The following GUCY1A2 variants were observed in gnomAD, a reference collection of about 807,000 sequenced individuals.
GUCY1A2 encodes guanylate cyclase 1 soluble subunit alpha 2.
GUCY1A2 carries 27 observed loss-of-function variants against 63.5 expected under a neutral mutation model. The ratio of observed to expected loss-of-function variants is 0.43; its 90% CI spans 0.31 to 0.59. The LOEUF (loss-of-function observed/expected upper bound fraction) is 0.59, where lower values mean the gene tolerates loss of function less well. Among genes scored for constraint, GUCY1A2 ranks in the 20% least tolerant of loss-of-function variants. The pLI is 0.11. For missense variants in GUCY1A2, 768 were observed against 913.3 expected, an observed-to-expected ratio of 0.84 and a Z score of 2.05; for synonymous variants, 364 against 343.5, an observed-to-expected ratio of 1.06 and a Z score of -0.66.
intron 4 of GUCY1A2, among the ~76,000 whole-genome samples, chr11:106,932,710 G>A (rs999855308): frequency 2.0e-5 from 3 of 152,064 alleles, no homozygotes; most frequent in Non-Finnish European, 4.4e-5. Flanking sequence ...CACATTACCT[G>A]ACTTCAAACT....
chr11:106,889,280 G>A (rs562252781), intron 4 of GUCY1A2, among the ~76,000 whole-genome samples: 1 of 152,180 alleles, frequency 6.6e-6, no homozygotes, highest in Non-Finnish European at 1.5e-5. Flanking sequence ...TCCAAGGTAA[G>A]TTCCTGTGTG....
At chr11:106,771,009 A>G (rs1864246331) in intron 6 of GUCY1A2, among the ~76,000 whole-genome samples, 1 of 152,018 alleles carries the variant, frequency 6.6e-6, no homozygotes, top group Admixed American at 6.6e-5. Context: ...GAACTAATGA[A>G]GAAAATTTGA....
At chr11:106,986,450 C>A (rs1245256503) in intron 1 of GUCY1A2, among the ~76,000 whole-genome samples, 1 of 152,114 alleles carries the variant, frequency 6.6e-6, no homozygotes, top group Non-Finnish European at 1.5e-5. Context: ...CTGGGGATAG[C>A]AGGGAGGGTG....
chr11:106,730,038 T>C (rs1322322075), intron 6 of GUCY1A2, among the ~76,000 whole-genome samples: 1 of 132,428 alleles, frequency 7.6e-6, no homozygotes, highest in African/African-American at 2.7e-5. Flanking sequence ...ATGACAAAAC[T>C]GCTTTCTTTA....
chr11:106,811,888 C>T (rs1001345545), intron 4 of GUCY1A2, among the ~76,000 whole-genome samples: 3 of 151,922 alleles, frequency 2.0e-5, no homozygotes, highest in Non-Finnish European at 4.4e-5. Context: ...CCTTTTCAAA[C>T]GTATCACAGT....
chr11:106,748,777 G>A (rs577633265), intron 6 of GUCY1A2, among the ~76,000 whole-genome samples: 10 of 150,516 alleles, frequency 6.6e-5, no homozygotes, highest in South Asian at 4.3e-4. Context: ...TTATCTTTTC[G>A]GCCAATGTTT....
intron 1 of GUCY1A2, among the ~76,000 whole-genome samples, chr11:106,987,848 C>T (rs147511003): frequency 6.6e-6 from 1 of 152,258 alleles, no homozygotes; most frequent in African/African-American, 2.4e-5. Flanking sequence ...TCAAGGGCAT[C>T]TACTGAGATC....
At chr11:106,801,350 G>A (rs1858601520) in intron 5 of GUCY1A2, among the ~76,000 whole-genome samples, 1 of 152,164 alleles carries the variant, frequency 6.6e-6, no homozygotes, top group East Asian at 1.9e-4. Context: ...ATTTTAAAAA[G>A]ATGAACTCTG....
At chr11:106,773,387 GTATACCAAGGTATAAA>G (rs1458591565) in intron 6 of GUCY1A2, among the ~76,000 whole-genome samples, 1 of 152,100 alleles carries the variant, frequency 6.6e-6, no homozygotes, top group Admixed American at 6.5e-5. Flanking sequence ...CAACTATATG[GTATACCAAGGTATAAA>G]TATAACACAG....
At chr11:106,841,868 CTT>C (rs568811037) in intron 4 of GUCY1A2, among the ~76,000 whole-genome samples, 1 of 151,792 alleles carries the variant, frequency 6.6e-6, no homozygotes, top group African/African-American at 2.4e-5. Context: ...ACTTTACTAC[CTT>C]TTTTTTCCTA....
chr11:106,849,989 A>G lies in GUCY1A2; in HGVS notation c.1207-39511T>C, dbSNP rs11824703. Among the ~76,000 whole-genome samples the G allele has an allele frequency of 7.4e-3, 1,128 of 151,850 alleles. 19 individuals are homozygous for G. Among genetic ancestry groups the G allele is most frequent in the African/African-American group, 0.026 (1,070 of 41,530 alleles). On this transcript the variant is annotated intron_variant, in intron 4 of 7. Transcript: ENST00000526355. ...GAATCATCATCACAAACCCTTTTAGAATAGTTTCATCACCCCACGAAGAAA... is the reference window on the plus strand; with the variant it reads ...GAATCATCATCACAAACCCTTTTAGGATAGTTTCATCACCCCACGAAGAAA...
At chr11:106,901,670 T>C (rs1860135382) in intron 4 of GUCY1A2, among the ~76,000 whole-genome samples, 1 of 130,566 alleles carries the variant, frequency 7.7e-6, no homozygotes, top group Admixed American at 8.7e-5. Flanking sequence ...CGGTGTGTGA[T>C]GTTCCCCTTC....
At chr11:106,823,086 A>C (rs1858923954) in intron 4 of GUCY1A2, among the ~76,000 whole-genome samples, 1 of 152,118 alleles carries the variant, frequency 6.6e-6, no homozygotes, top group East Asian at 1.9e-4. Flanking sequence ...ACAATCACTT[A>C]TTTTCTTCTG....
intron 1 of GUCY1A2, among the ~76,000 whole-genome samples, chr11:107,006,549 C>T (rs572262919): frequency 6.6e-6 from 1 of 152,146 alleles, no homozygotes; most frequent in Non-Finnish European, 1.5e-5. Context: ...GATAGGAAAA[C>T]GGTTTGTTAA....
At position 106,882,279 on chromosome 11, in the gene GUCY1A2, T is replaced by A. The variant is rs574220216; in HGVS notation, c.1206+57181A>T. ...ACATAATTTGTAGAGATGTGGAGAT[T>A]CTAAAGGAAAGACACAGTAGGAGTA... is the stretch of plus-strand genomic sequence containing the variant. On this transcript the variant is annotated intron_variant, in intron 4 of 7. Transcript: ENST00000526355. 1.2e-4 allele frequency among the ~76,000 whole-genome samples: 18 copies of A among 152,096 alleles called. No homozygotes were observed. The East Asian group carries it at 3.5e-3, about 29-fold the overall frequency.
intron 4 of GUCY1A2, among the ~76,000 whole-genome samples, chr11:106,832,276 G>A (rs1321848693): frequency 3.3e-5 from 5 of 152,210 alleles, no homozygotes; most frequent in East Asian, 1.9e-4. Context: ...TTAAATCTCA[G>A]TGTTCACAAG....
Position 106,839,456 on chromosome 11 carries a change from C to T in GUCY1A2, c.1207-28978G>A, listed in dbSNP as rs1157129838. Among the ~76,000 whole-genome samples the T allele has an allele frequency of 2.0e-5, 3 of 152,116 alleles. No individual in the cohort carries two copies. The East Asian group carries it at 5.8e-4, about 30-fold the overall frequency. On this transcript the variant is annotated intron_variant, in intron 4 of 7. Coordinates refer to ENST00000526355, the MANE Select transcript of GUCY1A2 (RefSeq NM_000855.3). Reference sequence around the variant, plus strand: ...CGTTGTGGAAGACAGTGTGGCAATTCCTCCGGGATCTAGAACTAGAAATAC... The same window carrying T: ...CGTTGTGGAAGACAGTGTGGCAATTTCTCCGGGATCTAGAACTAGAAATAC...
intron 7 of GUCY1A2, among the ~76,000 whole-genome samples, chr11:106,691,311 C>T (rs921859469): frequency 1.3e-5 from 2 of 152,130 alleles, no homozygotes; most frequent in South Asian, 2.1e-4. Context: ...AGAAATTCTA[C>T]AGGAGAAAGG....
At position 107,017,972 on chromosome 11, in the gene GUCY1A2, C is replaced by G; in HGVS notation, c.84G>C (p.Glu28Asp). Residue 28 changes from glutamate (E) to aspartate (D), a missense_variant, in exon 1 of 8, where the codon GAG (glutamate) becomes GAC (aspartate). Glu to Asp is a conservative substitution (Grantham distance 45). Around this residue, in one of 3 missense-constraint regions of GUCY1A2, gnomAD observed 496 missense variants for 486.9 expected, o/e 1.02. Coordinates refer to ENST00000526355, the MANE Select transcript of GUCY1A2 (RefSeq NM_000855.3). ...YLETSPEEEGECPLSRLCWNG... is the reference protein window; with the variant it reads ...YLETSPEEEGDCPLSRLCWNG... ...TCCAGCAGAGCCTAGACAGGGGGCA[C>G]TCCCCCTCCTCCTCCGGGCTGGTCT... 1 of 1,446,394 alleles carries G rather than the reference C, an allele frequency of 6.9e-7. No homozygotes were observed. The highest frequency in any genetic ancestry group is 1.5e-5 in the African/African-American group (1 of 68,298). The allele number at this position is 1,446,394 out of a possible 1,614,324, so 89.6% of individuals were successfully genotyped here.
Sources: gnomAD v4.1 joint callset for allele counts (sites outside exome capture counted in the v4.1 genomes callset) on GRCh38, gnomAD v4.1.1 for gene constraint, gnomAD v4.1.1 regional missense constraint, MANE v1.5 for transcripts, NCBI Gene and HGNC (gene_info 2026-07-23, HGNC 2026-07-21) for gene names.